Variants in RPS6KB1 observed in about 807,000 individuals in gnomAD.
RPS6KB1 encodes the protein ribosomal protein S6 kinase B1.
In RPS6KB1, 12 loss-of-function variants were observed where a neutral mutation model predicts 70.2. The observed-to-expected ratio is 0.17, with a 90% CI of 0.11 to 0.28. The LOEUF is 0.28. RPS6KB1 is among the 10% of genes least tolerant of loss of function. The pLI is 1.00. For missense variants in RPS6KB1, 270 were observed against 646.6 expected (o/e 0.42, Z 6.32); for synonymous variants, 175 against 211.2 (o/e 0.83, Z 1.49).
chr17:59,905,956 C>T (rs921378961), intron 1 of RPS6KB1, among the ~76,000 whole-genome samples: 2 of 151,968 alleles, frequency 1.3e-5, no homozygotes, highest in African/African-American at 2.4e-5. Flanking sequence ...ACACTCAGCT[C>T]GAGTTTTATA....
intron 1 of RPS6KB1, among the ~76,000 whole-genome samples, chr17:59,908,224 A>T (rs2042382531): frequency 6.7e-6 from 1 of 149,712 alleles, no homozygotes; most frequent in African/African-American, 2.5e-5. Context: ...ATGGAGTCTC[A>T]CTCTGTCACT....
intron 10 of RPS6KB1, among the ~76,000 whole-genome samples, chr17:59,935,641 A>G (rs1388440583): frequency 1.3e-5 from 2 of 151,554 alleles, no homozygotes; most frequent in African/African-American, 4.8e-5. Flanking sequence ...CGCCCGGCTA[A>G]TTTTTGTATT....
chr17:59,910,419 C>T, intron 1 of RPS6KB1, 143 bp from the exon 2 acceptor site: 1 of 569,980 alleles, frequency 1.8e-6, no homozygotes. Context: ...TTGTTCATTA[C>T]CATATTTGCC....
intron 1 of RPS6KB1, among the ~76,000 whole-genome samples, chr17:59,902,684 C>A (rs2042028355): frequency 6.6e-6 from 1 of 150,414 alleles, no homozygotes; most frequent in Non-Finnish European, 1.5e-5. Context: ...TGAAGTAATT[C>A]TTCTGCCTCA....
chr17:59,899,836 T>A (rs2041801385), intron 1 of RPS6KB1, among the ~76,000 whole-genome samples: 1 of 152,050 alleles, frequency 6.6e-6, no homozygotes, highest in African/African-American at 2.4e-5. Flanking sequence ...AATTTTGTGT[T>A]TTGGGGGCAT....
intron 12 of RPS6KB1, 96 bp downstream of exon 12, chr17:59,936,637 G>C: frequency 2.0e-6 from 2 of 977,356 alleles, no homozygotes; most frequent in Non-Finnish European, 3.3e-6. Flanking sequence ...TTTGAGGCCA[G>C]GAGTTCAAGA....
chr17:59,898,337 A>G (rs563915025), intron 1 of RPS6KB1, among the ~76,000 whole-genome samples: 1 of 152,326 alleles, frequency 6.6e-6, no homozygotes, highest in Admixed American at 6.5e-5. Flanking sequence ...TTTGAAAACC[A>G]AAGTGCTATA....
chr17:59,929,482 G>C (rs556679551), intron 5 of RPS6KB1, among the ~76,000 whole-genome samples: 1 of 152,148 alleles, frequency 6.6e-6, no homozygotes, highest in Non-Finnish European at 1.5e-5. Flanking sequence ...ATTCCGTCAC[G>C]TCTTCTTCAT....
chr17:59,939,880 A>G (rs943650077), intron 12 of RPS6KB1, among the ~76,000 whole-genome samples: 3 of 152,168 alleles, frequency 2.0e-5, no homozygotes, highest in Non-Finnish European at 2.9e-5. Context: ...TTTACTTCCT[A>G]CATTTGGCCC....
intron 1 of RPS6KB1, among the ~76,000 whole-genome samples, chr17:59,900,327 A>G (rs949714321): frequency 6.6e-6 from 1 of 152,022 alleles, no homozygotes; most frequent in Non-Finnish European, 1.5e-5. Flanking sequence ...AAGTTTTGAC[A>G]TGATTGCTTA....
Position 59,946,993 on chromosome 17 carries a change from G to A in RPS6KB1, c.*205G>A. The A allele has an allele frequency of 7.1e-6, 10 of 1,402,382 alleles. No homozygotes were observed. Among genetic ancestry groups the A allele is most frequent in the Non-Finnish European group, 9.3e-6 (10 of 1,079,312 alleles). 86.9% of individuals were successfully genotyped at this position (1,402,382 alleles called of 1,614,324 possible). A position where few individuals can be genotyped will look rare whatever the true frequency, so the allele number is the denominator to read the frequency against. ...AAACTTAAAGCAAAATAGTATTGCT[G>A]AACTCTTAGGCACATCAATTAATTG... On this transcript the variant is annotated 3_prime_UTR_variant, in exon 15 of 15. Coordinates refer to ENST00000225577, the MANE Select transcript of RPS6KB1 (RefSeq NM_003161.4). The surrounding 1 kb of genome is among the most constrained non-coding windows in gnomAD (Gnocchi z 4.2).
intron 1 of RPS6KB1, among the ~76,000 whole-genome samples, chr17:59,905,277 G>A (rs1221820206): frequency 6.6e-6 from 1 of 151,966 alleles, no homozygotes; most frequent in African/African-American, 2.4e-5. Context: ...CAAAGTGTTG[G>A]GATTACAAGC....
Position 59,946,405 on chromosome 17 carries a change from A to T in RPS6KB1, c.1341-146A>T. The T allele has an allele frequency of 1.5e-6, 1 of 682,586 alleles. No individual in the cohort carries two copies. The highest frequency in any genetic ancestry group is 2.5e-6 in the Non-Finnish European group (1 of 394,248). The allele number at this position is 682,586 out of a possible 1,614,324, so 42.3% of individuals were successfully genotyped here. A position where few individuals can be genotyped will look rare whatever the true frequency, so the allele number is the denominator to read the frequency against. The stretch of plus-strand genomic sequence containing the variant: ...ATCTAGGTGGGGGAGAGATGGTTCA[A>T]TTTTTGCCTTTGTGCTAATCCACGT... On this transcript the variant is annotated intron_variant, in intron 14 of 14. Coordinates refer to ENST00000225577, the MANE Select transcript of RPS6KB1 (RefSeq NM_003161.4). This position sits in a 1 kb window ranked among gnomAD's most constrained non-coding sequence, Gnocchi z 4.2.
At chr17:59,933,925 C>T (rs2044091907) in intron 7 of RPS6KB1, among the ~76,000 whole-genome samples, 1 of 152,068 alleles carries the variant, frequency 6.6e-6, no homozygotes, top group African/African-American at 2.4e-5. Flanking sequence ...GGTTATTTCA[C>T]TTTTTTCTCT....
chr17:59,942,102 C>T (rs897457915), intron 13 of RPS6KB1, among the ~76,000 whole-genome samples: 14 of 152,146 alleles, frequency 9.2e-5, no homozygotes, highest in African/African-American at 2.7e-4. Flanking sequence ...TCATGATCCG[C>T]CCGCCTTGGC....
chr17:59,932,861 A>G (rs1436182393), intron 7 of RPS6KB1, among the ~76,000 whole-genome samples: 1 of 152,156 alleles, frequency 6.6e-6, no homozygotes, highest in Non-Finnish European at 1.5e-5. Flanking sequence ...AGCCAGAATC[A>G]GTTTATTCTT....
intron 1 of RPS6KB1, among the ~76,000 whole-genome samples, chr17:59,905,484 A>G (rs553402064): frequency 2.0e-5 from 3 of 150,016 alleles, no homozygotes; most frequent in African/African-American, 7.4e-5. Flanking sequence ...TAAGAATTTT[A>G]TTTTGTTGTT....
intron 2 of RPS6KB1, 174 bp from the exon 3 acceptor site, chr17:59,912,510 C>A: frequency 1.9e-6 from 1 of 540,044 alleles, no homozygotes; most frequent in Non-Finnish European, 3.3e-6. Flanking sequence ...ATTATCAGGC[C>A]ACCCTCCTCT....
In RPS6KB1 at chr17:59,940,930, A is replaced by G. The variant is rs2044538868; in HGVS notation, c.1214A>G (p.Asn405Ser). Reference sequence around the variant, plus strand: ...GACTCAACTCTCAGTGAAAGTGCCAATCAGGTCTTTCTGGTAAGTGAAAGA... The same window carrying G: ...GACTCAACTCTCAGTGAAAGTGCCAGTCAGGTCTTTCTGGTAAGTGAAAGA... ...PDDSTLSESA[N>S]QVFLGFTYVA... Residue 405 changes from asparagine to serine, a missense_variant, in exon 13 of 15, where the codon AAT becomes AGT. By Grantham distance (46) the Asn-to-Ser change is conservative. Transcript: ENST00000225577. 1 of 1,594,032 alleles carries G rather than the reference A, an allele frequency of 6.3e-7. No homozygotes were observed. The highest frequency in any genetic ancestry group is 8.5e-7 in the Non-Finnish European group (1 of 1,175,856).
Sources: gnomAD v4.1 joint callset for allele counts (sites outside exome capture counted in the v4.1 genomes callset) on GRCh38, gnomAD v4.1.1 for gene constraint, Gnocchi (gnomAD v3.1) non-coding constraint, MANE v1.5 for transcripts, NCBI Gene and HGNC (gene_info 2026-07-23, HGNC 2026-07-21) for gene names.